The following GRID2 variants were observed in gnomAD, a reference collection of about 807,000 sequenced individuals.
The protein encoded by GRID2 is glutamate receptor ionotropic, delta-2.
GRID2 carries 33 observed loss-of-function variants against 114.8 expected under a neutral mutation model. The observed-to-expected ratio is 0.29, with a 90% confidence interval of 0.22 to 0.38. The LOEUF is 0.38. Among genes scored for constraint, GRID2 ranks in the 10% least tolerant of loss-of-function variants. The probability of loss-of-function intolerance (pLI) is 1.00; values close to 1 mark genes in which losing one functional copy is unlikely to be tolerated. For synonymous variants in GRID2, 505 were observed against 449.9 expected (o/e 1.12, Z -1.55); for missense variants, 1,184 against 1,257.7 (o/e 0.94, Z 0.89).
rs558836654 is a variant in GRID2, at chr4:92,659,096, A to G, written c.244+68810A>G. The stretch of plus-strand genomic sequence containing the variant: ...TGTAGATGCAGAAATAAAGATGGTT[A>G]TATTATAAGGAACACAGAGTGCAAA... On this transcript the variant is annotated intron_variant, in intron 2 of 15. Coordinates refer to ENST00000282020, the MANE Select transcript of GRID2 (RefSeq NM_001510.4). Among the ~76,000 whole-genome samples, 75 of 133,818 alleles carry G rather than the reference A, an allele frequency of 5.6e-4. 4 individuals are homozygous for G. The highest frequency in any genetic ancestry group is 2.0e-3 in the African/African-American group (74 of 37,708). The allele number at this position is 133,818 out of a possible 152,430, so 87.8% of individuals were successfully genotyped here.
rs898353867 is a variant in GRID2 at position 92,892,150 on chromosome 4, G to A, written c.245-192845G>A. ...ACGATCTTGGCTCACTGCAACCTCC[G>A]CCTCCAGGGTTCAAGCAATTCTCTT... On this transcript the variant is annotated intron_variant, in intron 2 of 15. Coordinates refer to ENST00000282020, the MANE Select transcript of GRID2 (RefSeq NM_001510.4). 4.6e-5 allele frequency among the ~76,000 whole-genome samples: 7 copies of A among 151,764 alleles called. No homozygotes were observed. In the East Asian group the frequency reaches 9.8e-4, roughly 21 times the overall value.
intron 2 of GRID2, among the ~76,000 whole-genome samples, chr4:92,987,383 G>T (rs1754569325): frequency 6.6e-6 from 1 of 152,030 alleles, no homozygotes; most frequent in Non-Finnish European, 1.5e-5. Flanking sequence ...TGTACACTCA[G>T]TGAAATTGCC....
intron 4 of GRID2, among the ~76,000 whole-genome samples, chr4:93,153,591 C>T (rs1037004826): frequency 5.3e-5 from 8 of 152,010 alleles, no homozygotes; most frequent in Non-Finnish European, 1.2e-4. Flanking sequence ...GTGTCATATG[C>T]TCATTCCAGG....
intron 2 of GRID2, among the ~76,000 whole-genome samples, chr4:92,783,195 C>G (rs2149359783): frequency 1.3e-5 from 2 of 152,094 alleles, no homozygotes. Context: ...GAAGCAAGGG[C>G]TATGAAGACA....
At chr4:93,235,048 T>A (rs1032395455) in intron 7 of GRID2, among the ~76,000 whole-genome samples, 1 of 152,154 alleles carries the variant, frequency 6.6e-6, no homozygotes, top group Non-Finnish European at 1.5e-5. Flanking sequence ...TCAGTAATTT[T>A]TTTTTTACTT....
intron 2 of GRID2, among the ~76,000 whole-genome samples, chr4:92,941,689 T>C (rs750625570): frequency 6.6e-6 from 1 of 152,184 alleles, no homozygotes; most frequent in Non-Finnish European, 1.5e-5. Context: ...CTTTCCTGCT[T>C]TCTCTTGTGG....
chr4:92,886,043 T>C (rs1746344682), intron 2 of GRID2, among the ~76,000 whole-genome samples: 1 of 152,178 alleles, frequency 6.6e-6, no homozygotes, highest in African/African-American at 2.4e-5. Context: ...TAAATTTTGG[T>C]TTATTTTTAA....
chr4:93,704,871 G>A (rs936050139), intron 14 of GRID2, among the ~76,000 whole-genome samples: 16 of 152,148 alleles, frequency 1.1e-4, no homozygotes, highest in Admixed American at 9.8e-4. Context: ...CACTTAGGTT[G>A]CTTCCAAATC....
intron 1 of GRID2, among the ~76,000 whole-genome samples, chr4:93,801,968 G>C (rs2110367537): frequency 6.6e-6 from 1 of 152,288 alleles, no homozygotes; most frequent in South Asian, 2.1e-4. Flanking sequence ...CCTGTATGTA[G>C]AATATACTGC....
chr4:92,850,100 A>G (rs1743658904), intron 2 of GRID2, among the ~76,000 whole-genome samples: 1 of 151,280 alleles, frequency 6.6e-6, no homozygotes. Context: ...TTCAAAGTTC[A>G]CTAATACTAT....
At chr4:92,694,044 A>T (rs969794426) in intron 2 of GRID2, among the ~76,000 whole-genome samples, 1 of 152,164 alleles carries the variant, frequency 6.6e-6, no homozygotes, top group African/African-American at 2.4e-5. Context: ...GGGAGGAGAT[A>T]GTGAAGGGGA....
intron 8 of GRID2, among the ~76,000 whole-genome samples, chr4:93,252,517 G>T (rs1056722435): frequency 6.6e-6 from 1 of 151,874 alleles, no homozygotes; most frequent in Non-Finnish European, 1.5e-5. Flanking sequence ...CCCCAGCTTT[G>T]TTCTTTTAGC....
chr4:93,425,216 T>C (rs1430230829), intron 10 of GRID2, among the ~76,000 whole-genome samples: 1 of 152,218 alleles, frequency 6.6e-6, no homozygotes, highest in Non-Finnish European at 1.5e-5. Context: ...TTGGACTTCG[T>C]GGTTGATACA....
intron 2 of GRID2, among the ~76,000 whole-genome samples, chr4:93,043,926 T>C (rs1725872600): frequency 6.7e-6 from 1 of 149,858 alleles, no homozygotes; most frequent in Non-Finnish European, 1.5e-5. Context: ...AAAATATATA[T>C]ATATAAAAAT....
At chr4:92,846,219 G>T (rs563770991) in intron 2 of GRID2, among the ~76,000 whole-genome samples, 13 of 152,144 alleles carry the variant, frequency 8.5e-5, no homozygotes, top group African/African-American at 2.9e-4. Context: ...TTGTTACATG[G>T]TATATCGTGT....
intron 13 of GRID2, among the ~76,000 whole-genome samples, chr4:93,583,337 A>T (rs1471725958): frequency 2.0e-5 from 3 of 152,090 alleles, no homozygotes; most frequent in Admixed American, 6.6e-5. Flanking sequence ...TTTGTGTTAC[A>T]CTTCTCTTTG....
intron 14 of GRID2, among the ~76,000 whole-genome samples, chr4:93,687,264 T>C (rs940015366): frequency 2.6e-5 from 4 of 151,982 alleles, no homozygotes; most frequent in Non-Finnish European, 1.5e-5. Flanking sequence ...GCAGAAATCC[T>C]AGGTTGCAAT....
intron 2 of GRID2, among the ~76,000 whole-genome samples, chr4:92,854,784 T>TA (rs1171792499): frequency 6.6e-6 from 1 of 152,040 alleles, no homozygotes; most frequent in East Asian, 1.9e-4. Context: ...ATGTAAATAA[T>TA]AAAAAAATTT....
At chr4:92,403,188 T>G (rs945092809) in intron 1 of GRID2, among the ~76,000 whole-genome samples, 2 of 152,212 alleles carry the variant, frequency 1.3e-5, no homozygotes, top group African/African-American at 4.8e-5. Context: ...TGGTTTTATT[T>G]TCTATCCAGA....
Sources: gnomAD v4.1 joint callset for allele counts (sites outside exome capture counted in the v4.1 genomes callset) on GRCh38, gnomAD v4.1.1 for gene constraint, MANE v1.5 for transcripts, NCBI Gene and HGNC (gene_info 2026-07-23, HGNC 2026-07-21) for gene names.